APCDD1: variants seen among roughly 807,000 people sequenced by gnomAD.
The protein encoded by APCDD1 is protein APCDD1.
APCDD1 carries 15 observed loss-of-function variants against 38.1 expected under a neutral mutation model. That is an observed-to-expected ratio of 0.39 (90% CI 0.26 to 0.61). The LOEUF is 0.61. Ranked by LOEUF, APCDD1 falls within the 20% of genes least tolerant of loss-of-function variation. The pLI is 0.49. For synonymous variants in APCDD1, 261 were observed against 279.7 expected (o/e 0.93, Z 0.67); for missense variants, 647 against 696.2 (o/e 0.93, Z 0.79).
chr18:10,474,351 G>A (rs1168690183), intron 3 of APCDD1: 1 of 152,232 alleles, frequency 6.6e-6, no homozygotes, highest in African/African-American at 2.4e-5. Context: ...GTTCCCTCGG[G>A]GCCTTTGTGA....
rs2030880520 is a variant in APCDD1 at position 10,472,247 on chromosome 18, A to C, written c.774+186A>C. ...GGCTGGGGCTGAGGGTGCTTTAGCC[A>C]GTCAGGAGACCTGGGTCTGCCACCA... is the stretch of plus-strand genomic sequence containing the variant. On this transcript the variant is annotated intron_variant, in intron 3 of 4. Transcript: ENST00000355285. The surrounding 1 kb of genome is among the most constrained non-coding windows in gnomAD (Gnocchi z 6.6). Among the ~76,000 whole-genome samples the C allele has an allele frequency of 6.6e-6, 1 of 152,150 alleles. No homozygotes were observed. Among genetic ancestry groups the C allele is most frequent in the Non-Finnish European group, 1.5e-5 (1 of 68,020 alleles).
At chr18:10,456,893 G>C (rs2143502600) in intron 1 of APCDD1, among the ~76,000 whole-genome samples, 1 of 152,346 alleles carries the variant, frequency 6.6e-6, no homozygotes, top group South Asian at 2.1e-4. Flanking sequence ...TAACTGGGAA[G>C]GGCAGTCTGA....
At position 10,485,710 on chromosome 18, in the gene APCDD1, C is replaced by G. The variant is rs770426956; in HGVS notation, c.1023C>G (p.Ile341Met). The G allele has an allele frequency of 1.9e-6, 3 of 1,614,150 alleles. No individual in the cohort carries two copies. Among genetic ancestry groups the G allele is most frequent in the Non-Finnish European group, 2.5e-6 (3 of 1,180,048 alleles). ...DPVCKHPTFS[I>M]YARGRYSRGV... ...TGTGCAAGCACCCCACCTTCTCCAT[C>G]TACGCCCGGGGCCGCTACAGCCGCG... The change falls in exon 4 of 5, where the codon ATC (isoleucine) becomes ATG (methionine). Residue 341 changes from isoleucine to methionine, a missense_variant. Coordinates refer to ENST00000355285, the MANE Select transcript of APCDD1 (RefSeq NM_153000.5). This position sits in a 1 kb window ranked among gnomAD's most constrained non-coding sequence, Gnocchi z 5.8.
Position 10,471,761 on chromosome 18 carries a change from G to A in APCDD1, c.474G>A (p.Ala158=), listed in dbSNP as rs781000361. The A allele has an allele frequency of 1.5e-5, 25 of 1,613,346 alleles. No individual in the cohort carries two copies. Among genetic ancestry groups the A allele is most frequent in the Middle Eastern group, 1.7e-4 (1 of 6,060 alleles). The part of the protein sequence containing the change: ...HNVQVICHTE[A]VAEKLGQQVN... ...TCCAGGTGATCTGCCACACAGAGGC[G>A]GTGGCCGAGAAGCTCGGCCAGCAGG... The change falls in exon 3 of 5, where the codon GCG becomes GCA. Residue 158 remains alanine (A), a synonymous_variant. Coordinates refer to ENST00000355285, the MANE Select transcript of APCDD1 (RefSeq NM_153000.5). The surrounding 1 kb of genome is among the most constrained non-coding windows in gnomAD (Gnocchi z 5.5).
chr18:10,485,505 C>T lies in APCDD1; in HGVS notation c.818C>T (p.Ser273Leu). 1 of 1,614,162 alleles carries T rather than the reference C, an allele frequency of 6.2e-7. No homozygotes were observed. Among genetic ancestry groups the T allele is most frequent in the South Asian group, 1.1e-5 (1 of 91,078 alleles). The change falls in exon 4 of 5, where the codon TCA (serine) becomes TTA (leucine). Residue 273 changes from serine to leucine, a missense_variant. By Grantham distance (145) the Ser-to-Leu change is moderately radical (BLOSUM62 -2). Transcript: ENST00000355285. This position sits in a 1 kb window ranked among gnomAD's most constrained non-coding sequence, Gnocchi z 5.8. ...ATCGCCTGTCGGATCATCTATCGGT[C>T]AGACGAGCACCACCCTCCCATCCTG... ...ACIACRIIYR[S>L]DEHHPPILPP...
At chr18:10,462,587 CTCCCTCCTTCCT>C (rs1385428418) in intron 1 of APCDD1, among the ~76,000 whole-genome samples, 9 of 46,980 alleles carry the variant, frequency 1.9e-4, no homozygotes, top group South Asian at 7.9e-4. Flanking sequence ...CCTTCCTTCC[CTCCCTCCTTCCT>C]TCCTTCCTTC....
At chr18:10,474,666 C>T (rs1035978283) in intron 3 of APCDD1, among the ~76,000 whole-genome samples, 4 of 152,116 alleles carry the variant, frequency 2.6e-5, no homozygotes, top group African/African-American at 7.2e-5. Flanking sequence ...ATTTTCTTAC[C>T]TGCCTCTCTA....
At chr18:10,468,287 C>T (rs2030764044) in intron 1 of APCDD1, among the ~76,000 whole-genome samples, 182 bp from the exon 2 acceptor site, 1 of 152,244 alleles carries the variant, frequency 6.6e-6, no homozygotes, top group African/African-American at 2.4e-5. Flanking sequence ...AATTGATCTA[C>T]AATGACACTT....
intron 1 of APCDD1, among the ~76,000 whole-genome samples, chr18:10,462,382 G>C (rs891444795): frequency 2.6e-5 from 4 of 151,272 alleles, no homozygotes; most frequent in African/African-American, 4.9e-5. Context: ...TAAATTACTT[G>C]CTTCCTTCCT....
intron 3 of APCDD1, among the ~76,000 whole-genome samples, chr18:10,479,592 T>C (rs1370302429): frequency 6.6e-6 from 1 of 152,226 alleles, no homozygotes; most frequent in East Asian, 1.9e-4. Context: ...CTCTGCAGCC[T>C]GAGGCAGCTC....
At position 10,472,664 on chromosome 18, in the gene APCDD1, A is replaced by G. The variant is rs1229458877; in HGVS notation, c.774+603A>G. ...TACTGAGTTTTCCTGCTGGACCATG[A>G]GTCCAAAGGTCCTTCCTCCATACCC... On this transcript the variant is annotated intron_variant, in intron 3 of 4. Transcript: ENST00000355285. The surrounding 1 kb of genome is among the most constrained non-coding windows in gnomAD (Gnocchi z 6.6). Among the ~76,000 whole-genome samples the G allele has an allele frequency of 6.6e-6, 1 of 152,162 alleles. No individual in the cohort carries two copies. Among genetic ancestry groups the G allele is most frequent in the Non-Finnish European group, 1.5e-5 (1 of 68,026 alleles).
In APCDD1 at chr18:10,472,956, C is replaced by T. The variant is rs917154819; in HGVS notation, c.774+895C>T. Among the ~76,000 whole-genome samples the T allele has an allele frequency of 2.0e-5, 3 of 152,092 alleles. No homozygotes were observed. Among genetic ancestry groups the T allele is most frequent in the Admixed American group, 6.5e-5 (1 of 15,284 alleles). ...GCTTCTGCCCAGTGCGTAGTGTGAA[C>T]GTGCAGACCCGGGCCTGCTGCGGGT... On this transcript the variant is annotated intron_variant, in intron 3 of 4. Coordinates refer to ENST00000355285, the MANE Select transcript of APCDD1 (RefSeq NM_153000.5). The surrounding 1 kb of genome is among the most constrained non-coding windows in gnomAD (Gnocchi z 6.6).
chr18:10,466,298 C>T (rs557448701), intron 1 of APCDD1, among the ~76,000 whole-genome samples: 49 of 152,310 alleles, frequency 3.2e-4, no homozygotes, highest in Admixed American at 1.7e-3. Flanking sequence ...TCCCCTCTCC[C>T]CTACTCTGGT....
Position 10,454,705 on chromosome 18 carries a change from C to A in APCDD1, c.-277C>A. On this transcript the variant is annotated 5_prime_UTR_variant, in exon 1 of 5. Coordinates refer to ENST00000355285, the MANE Select transcript of APCDD1 (RefSeq NM_153000.5). ...AGAGCGGCGCACGCGGCGGCCGGGG[C>A]GGGACGCGGGGCCGGGCGCGGAGAA... The A allele has an allele frequency of 1.0e-6, 1 of 983,562 alleles. No individual in the cohort carries two copies. The highest frequency in any genetic ancestry group is 4.6e-5 in the South Asian group (1 of 21,594). 60.9% of individuals were successfully genotyped at this position (983,562 alleles called of 1,614,324 possible).
chr18:10,462,704 T>A (rs1211438568), intron 1 of APCDD1, among the ~76,000 whole-genome samples: 2 of 148,692 alleles, frequency 1.3e-5, no homozygotes, highest in East Asian at 2.0e-4. Context: ...CTTCCTTTTT[T>A]AATATAACTT....
At chr18:10,481,457 T>A (rs1449537820) in intron 3 of APCDD1, among the ~76,000 whole-genome samples, 1 of 151,986 alleles carries the variant, frequency 6.6e-6, no homozygotes, top group Non-Finnish European at 1.5e-5. Flanking sequence ...ATAGTGATAG[T>A]TCCCCTCAGA....
chr18:10,475,561 C>T lies in APCDD1; in HGVS notation c.774+3500C>T, dbSNP rs1737937272. ...GCCTCAGAGGAAGTGACAGAGTTGT[C>T]TATCTGGGATTGTCGGACAGAGACT... On this transcript the variant is annotated intron_variant, in intron 3 of 4. Transcript: ENST00000355285. This position sits in a 1 kb window ranked among gnomAD's most constrained non-coding sequence, Gnocchi z 4.0. Among the ~76,000 whole-genome samples, 3 of 151,970 alleles carry T rather than the reference C, an allele frequency of 2.0e-5. No individual in the cohort carries two copies. The South Asian group carries it at 6.2e-4, about 32-fold the overall frequency.
rs138619749 is a variant in APCDD1 at position 10,458,745 on chromosome 18, A to G, written c.58+3706A>G. Among the ~76,000 whole-genome samples the G allele has an allele frequency of 2.0e-3, 299 of 152,374 alleles. 1 individual carries two copies. The highest frequency in any genetic ancestry group is 6.6e-3 in the African/African-American group (276 of 41,600). ...AATATAATCAATCAAAGGGAGGCAT[A>G]AAACATTTCAGACCAGAAATAGAAG... is the stretch of plus-strand genomic sequence containing the variant. On this transcript the variant is annotated intron_variant, in intron 1 of 4. Coordinates refer to ENST00000355285, the MANE Select transcript of APCDD1 (RefSeq NM_153000.5).
At chr18:10,479,560 C>G (rs138389572) in intron 3 of APCDD1, among the ~76,000 whole-genome samples, 15 of 152,332 alleles carry the variant, frequency 9.8e-5, no homozygotes, top group Non-Finnish European at 2.1e-4. Context: ...GGGCTGGAGT[C>G]CTTGCTGGGG....
Sources: gnomAD v4.1 joint callset for allele counts (sites outside exome capture counted in the v4.1 genomes callset) on GRCh38, gnomAD v4.1.1 for gene constraint, Gnocchi (gnomAD v3.1) non-coding constraint, MANE v1.5 for transcripts, NCBI Gene and HGNC (gene_info 2026-07-23, HGNC 2026-07-21) for gene names.